GRK3: variants seen among roughly 807,000 people sequenced by gnomAD.
The protein encoded by GRK3 is adrenergic, beta, receptor kinase 2.
In GRK3, 54 loss-of-function variants were observed where a neutral mutation model predicts 95.7. The ratio of observed to expected loss-of-function variants is 0.56; its 90% CI spans 0.45 to 0.71. The LOEUF (loss-of-function observed/expected upper bound fraction) is 0.71, where lower values mean the gene tolerates loss of function less well. GRK3 is among the 30% of genes least tolerant of loss of function. The probability of loss-of-function intolerance (pLI) is 0.00; values close to 1 mark genes in which losing one functional copy is unlikely to be tolerated. For missense variants in GRK3, 649 were observed against 851.2 expected, an observed-to-expected ratio of 0.76 and a Z score of 2.96; for synonymous variants, 281 against 290.8, an observed-to-expected ratio of 0.97 and a Z score of 0.34.
chr22:25,622,202 C>T (rs1443299325), intron 2 of GRK3, among the ~76,000 whole-genome samples: 2 of 152,158 alleles, frequency 1.3e-5, no homozygotes, highest in African/African-American at 4.8e-5. Flanking sequence ...TGATTGATGA[C>T]GAAACTAAGG....
chr22:25,690,704 C>A (rs950832931), intron 12 of GRK3, among the ~76,000 whole-genome samples: 1 of 152,106 alleles, frequency 6.6e-6, no homozygotes, highest in African/African-American at 2.4e-5. Flanking sequence ...AAGGGAGGTC[C>A]TCGGGGCCAA....
chr22:25,648,828 C>T, intron 3 of GRK3: 1 of 1,155,964 alleles, frequency 8.7e-7, no homozygotes, highest in Non-Finnish European at 1.3e-6. Context: ...AGAAAATCTT[C>T]TGTGCAAAAT....
At chr22:25,625,549 GA>G (rs2084621288) in intron 2 of GRK3, among the ~76,000 whole-genome samples, 1 of 152,156 alleles carries the variant, frequency 6.6e-6, no homozygotes, top group Non-Finnish European at 1.5e-5. Flanking sequence ...AGCAGACCGG[GA>G]AAGGGAGTCT....
At chr22:25,655,272 CCT>C (rs2084862214) in intron 3 of GRK3, among the ~76,000 whole-genome samples, 1 of 152,142 alleles carries the variant, frequency 6.6e-6, no homozygotes, top group Non-Finnish European at 1.5e-5. Context: ...CCTACCTCTC[CCT>C]GTTAGTTTTC....
At chr22:25,615,084 G>A (rs1050256754) in intron 2 of GRK3, among the ~76,000 whole-genome samples, 13 of 152,134 alleles carry the variant, frequency 8.5e-5, no homozygotes, top group South Asian at 2.1e-4. Context: ...CCTGAGGCAC[G>A]AATTTAAATC....
chr22:25,616,202 T>C (rs1465776624), intron 2 of GRK3, among the ~76,000 whole-genome samples: 1 of 152,144 alleles, frequency 6.6e-6, no homozygotes, highest in African/African-American at 2.4e-5. Flanking sequence ...GTTAGTCCTG[T>C]CTCACACTGC....
chr22:25,695,027 G>A, intron 12 of GRK3, 80 bp from the exon 13 acceptor site: 1 of 927,992 alleles, frequency 1.1e-6, no homozygotes, highest in Non-Finnish European at 1.7e-6. Flanking sequence ...TCTAATGAAG[G>A]ACACCCGGAC....
chr22:25,690,953 A>C (rs2085160387), intron 12 of GRK3, among the ~76,000 whole-genome samples: 1 of 152,140 alleles, frequency 6.6e-6, no homozygotes, highest in Non-Finnish European at 1.5e-5. Flanking sequence ...AGCACCTGAC[A>C]CCTCGGGGAC....
intron 18 of GRK3, among the ~76,000 whole-genome samples, chr22:25,716,549 T>A (rs968787828): frequency 6.6e-6 from 1 of 152,078 alleles, no homozygotes; most frequent in African/African-American, 2.4e-5. Flanking sequence ...AATTCGTGCA[T>A]AAGTAGGTCT....
intron 1 of GRK3, among the ~76,000 whole-genome samples, chr22:25,584,782 T>A (rs2146321999): frequency 6.6e-6 from 1 of 152,402 alleles, no homozygotes; most frequent in East Asian, 1.9e-4. Flanking sequence ...GCCTTGTATT[T>A]CTTTTTTTAG....
Position 25,723,443 on chromosome 22 carries a change from T to C in GRK3, c.*993T>C, listed in dbSNP as rs915902959. 1 of 152,228 alleles carries C rather than the reference T, an allele frequency of 6.6e-6. No individual in the cohort carries two copies. The allele number at this position is 152,228 out of a possible 1,614,324, so 9.4% of individuals were successfully genotyped here. A position where few individuals can be genotyped will look rare whatever the true frequency, so the allele number is the denominator to read the frequency against. On this transcript the variant is annotated 3_prime_UTR_variant, in exon 21 of 21. Coordinates refer to ENST00000324198, the MANE Select transcript of GRK3 (RefSeq NM_005160.4). ...GAAAAAATGCTGAGGAATGAATGTG[T>C]CAAAATGGGTTAACTGTGTATATTG...
chr22:25,630,185 G>A (rs769664006), intron 2 of GRK3, among the ~76,000 whole-genome samples: 44 of 152,042 alleles, frequency 2.9e-4, no homozygotes, highest in Non-Finnish European at 5.6e-4. Context: ...TTTCTTCCTT[G>A]TTAAAATTAT....
intron 1 of GRK3, among the ~76,000 whole-genome samples, chr22:25,592,370 G>T (rs546288613): frequency 6.6e-6 from 1 of 151,986 alleles, no homozygotes; most frequent in Non-Finnish European, 1.5e-5. Flanking sequence ...ATTTATGTTG[G>T]GTACAGATCT....
rs191811020 is a variant in GRK3 at position 25,605,026 on chromosome 22, T to A, written c.190+573T>A. Among the ~76,000 whole-genome samples, 43 of 152,346 alleles carry A rather than the reference T, an allele frequency of 2.8e-4. No individual in the cohort carries two copies. In the East Asian group the frequency reaches 5.4e-3, roughly 19 times the overall value. On this transcript the variant is annotated intron_variant, in intron 2 of 20. Transcript: ENST00000324198. ...CTGATTCCCAGTTCTCCTTCTTCTT[T>A]ACTCCGATAATAAAATATTAACCAG...
At chr22:25,711,906 A>G (rs552583875) in intron 17 of GRK3, among the ~76,000 whole-genome samples, 3 of 152,344 alleles carry the variant, frequency 2.0e-5, no homozygotes, top group Admixed American at 2.0e-4. Context: ...CTGCAGCACT[A>G]TTAAAACACA....
intron 2 of GRK3, among the ~76,000 whole-genome samples, chr22:25,619,509 G>A (rs1878875633): frequency 6.6e-6 from 1 of 152,012 alleles, no homozygotes; most frequent in South Asian, 2.1e-4. Context: ...TTCGATAAAG[G>A]GTCTTGCTCT....
chr22:25,715,184 T>G (rs1464082963), intron 18 of GRK3: 2 of 152,200 alleles, frequency 1.3e-5, no homozygotes, highest in Non-Finnish European at 2.9e-5. Flanking sequence ...GAGTTAAATA[T>G]ATAAAGACAT....
intron 6 of GRK3, among the ~76,000 whole-genome samples, chr22:25,670,841 T>G: frequency 8.9e-6 from 1 of 111,786 alleles, no homozygotes; most frequent in Non-Finnish European, 1.7e-5. Flanking sequence ...ATCGAGACCA[T>G]CCTGGCTAAC....
chr22:25,667,183 T>C (rs919215923), intron 5 of GRK3, among the ~76,000 whole-genome samples: 3 of 152,150 alleles, frequency 2.0e-5, no homozygotes, highest in African/African-American at 7.2e-5. Flanking sequence ...TCTCTATGAC[T>C]CTAAGAGATA....
Sources: gnomAD v4.1 joint callset for allele counts (sites outside exome capture counted in the v4.1 genomes callset) on GRCh38, gnomAD v4.1.1 for gene constraint, MANE v1.5 for transcripts, NCBI Gene and HGNC (gene_info 2026-07-23, HGNC 2026-07-21) for gene names.